The following COL4A1 variants were observed in gnomAD, a reference collection of about 807,000 sequenced individuals.
The protein encoded by COL4A1 is collagen type IV alpha 1 chain.
A neutral mutation model predicts 216.6 loss-of-function variants in COL4A1; 40 were observed. The observed-to-expected ratio is 0.18, with a 90% CI of 0.14 to 0.24. The LOEUF (loss-of-function observed/expected upper bound fraction) is 0.24. COL4A1 is among the 10% of genes least tolerant of loss of function. COL4A1 has a pLI of 1.00. For missense variants in COL4A1, 1,628 were observed against 2,196.8 expected (o/e 0.74, Z 5.18); for synonymous variants, 839 against 810.7 (o/e 1.03, Z -0.59).
chr13:110,247,759 T>A (rs1301311477), intron 1 of COL4A1, among the ~76,000 whole-genome samples: 1 of 142,910 alleles, frequency 7.0e-6, no homozygotes, highest in African/African-American at 2.6e-5. Flanking sequence ...CCTTTTTAAC[T>A]GAACCGAAGA....
intron 18 of COL4A1, among the ~76,000 whole-genome samples, chr13:110,202,916 T>TA (rs1302456539): frequency 1.3e-5 from 2 of 152,176 alleles, no homozygotes; most frequent in African/African-American, 4.8e-5. Flanking sequence ...CACGTTTTTT[T>TA]AAAAAAGGTG....
intron 3 of COL4A1, 27 bp from the exon 4 acceptor site, chr13:110,213,853 C>T (rs774468079): frequency 1.2e-6 from 2 of 1,613,986 alleles, no homozygotes; most frequent in Non-Finnish European, 1.7e-6. Flanking sequence ...ATGCCATTGT[C>T]ATTGATCACC....
intron 1 of COL4A1, among the ~76,000 whole-genome samples, chr13:110,253,870 G>GTA (rs1037097541): frequency 2.0e-5 from 3 of 149,946 alleles, no homozygotes; most frequent in Non-Finnish European, 3.0e-5. Context: ...ATGTGTGTGT[G>GTA]TATATATATA....
chr13:110,172,436 A>AT (rs1877689311), intron 41 of COL4A1, among the ~76,000 whole-genome samples: 1 of 152,380 alleles, frequency 6.6e-6, no homozygotes, highest in South Asian at 2.1e-4. Flanking sequence ...CCTTCTAGGC[A>AT]TAAAAATGAC....
chr13:110,191,626 T>C, intron 24 of COL4A1: 1 of 689,464 alleles, frequency 1.5e-6, no homozygotes. Flanking sequence ...TCCGGATATT[T>C]CATTTATGGA....
chr13:110,273,939 C>A (rs1247155276), intron 1 of COL4A1, among the ~76,000 whole-genome samples: 5 of 152,194 alleles, frequency 3.3e-5, no homozygotes, highest in African/African-American at 1.2e-4. Flanking sequence ...TCCTTTCTCA[C>A]TACATTTCAA....
intron 38 of COL4A1, 30 bp from the exon 39 acceptor site, chr13:110,174,556 C>A: frequency 6.2e-7 from 1 of 1,614,176 alleles, no homozygotes; most frequent in South Asian, 1.1e-5. Context: ...ACCAGAACAT[C>A]CATAAGTTTG....
chr13:110,256,104 C>T (rs919318787), intron 1 of COL4A1, among the ~76,000 whole-genome samples: 20 of 138,474 alleles, frequency 1.4e-4, no homozygotes, highest in African/African-American at 5.0e-4. Context: ...TAAATCATAC[C>T]TAACTGTTTT....
intron 2 of COL4A1, among the ~76,000 whole-genome samples, chr13:110,220,094 T>C (rs1483937877): frequency 6.6e-6 from 1 of 151,568 alleles, no homozygotes; most frequent in Non-Finnish European, 1.5e-5. Context: ...TGTGCCACCA[T>C]GCGCCGCTAA....
chr13:110,234,989 A>G lies in COL4A1; in HGVS notation c.144+7686T>C, dbSNP rs958991182. Reference sequence around the variant, plus strand: ...TATTTATTTTTTAAATCCCCCTAGTATTGTACACTAAGGAACACTTTTTAA... The same window carrying G: ...TATTTATTTTTTAAATCCCCCTAGTGTTGTACACTAAGGAACACTTTTTAA... On this transcript the variant is annotated intron_variant, in intron 2 of 51. Coordinates refer to ENST00000375820, the MANE Select transcript of COL4A1 (RefSeq NM_001845.6). 2.6e-5 allele frequency among the ~76,000 whole-genome samples: 4 copies of G among 152,206 alleles called. No homozygotes were observed. The South Asian group carries it at 8.3e-4, about 31-fold the overall frequency.
rs1879794131 is a variant in COL4A1 at position 110,211,524 on chromosome 13, G to A, written c.468+123C>T. 2.3e-6 allele frequency: 2 copies of A among 875,064 alleles called. No homozygotes were observed. Among genetic ancestry groups the A allele is most frequent in the Admixed American group, 2.3e-5 (1 of 42,834 alleles). 54.2% of individuals were successfully genotyped at this position (875,064 alleles called of 1,614,324 possible). A position where few individuals can be genotyped will look rare whatever the true frequency, so the allele number is the denominator to read the frequency against. On this transcript the variant is annotated intron_variant, in intron 8 of 51. Coordinates refer to ENST00000375820, the MANE Select transcript of COL4A1 (RefSeq NM_001845.6). The surrounding 1 kb of genome is among the most constrained non-coding windows in gnomAD (Gnocchi z 4.3). ...CAGTCTTTTCATGTAACAGAGTTTA[G>A]GGAAGTGTGTTCAGAAACAATCGAT...
At chr13:110,285,427 G>A (rs986521688) in intron 1 of COL4A1, among the ~76,000 whole-genome samples, 7 of 152,152 alleles carry the variant, frequency 4.6e-5, no homozygotes, top group Admixed American at 6.5e-5. Context: ...CTTAGTAAGC[G>A]TCTGTCTTCT....
intron 2 of COL4A1, among the ~76,000 whole-genome samples, chr13:110,230,700 G>A (rs1014622492): frequency 3.9e-5 from 6 of 152,212 alleles, no homozygotes; most frequent in Non-Finnish European, 5.9e-5. Context: ...CCCCAGTCAC[G>A]CCAGCGTGCT....
At chr13:110,175,909 C>G (rs1877861843) in intron 36 of COL4A1, among the ~76,000 whole-genome samples, 1 of 152,244 alleles carries the variant, frequency 6.6e-6, no homozygotes, top group Non-Finnish European at 1.5e-5. Flanking sequence ...GAACTCTCCC[C>G]CTTTCTGAGT....
chr13:110,157,012 C>T (rs1876817548), intron 49 of COL4A1, among the ~76,000 whole-genome samples: 1 of 152,174 alleles, frequency 6.6e-6, no homozygotes, highest in African/African-American at 2.4e-5. Flanking sequence ...TTGCTAGACA[C>T]GAGACCTAGA....
chr13:110,192,203 G>A lies in COL4A1; in HGVS notation c.1536+11C>T. 6.2e-7 allele frequency: 1 copy of A among 1,614,002 alleles called. No individual in the cohort carries two copies. Among genetic ancestry groups the A allele is most frequent in the Non-Finnish European group, 8.5e-7 (1 of 1,179,874 alleles). ...TCTGATATGTACATGAACTCAGACA[G>A]GTTTACTTACTGGCACTCCTGCAAC... is the stretch of plus-strand genomic sequence containing the variant. On this transcript the variant is annotated intron_variant, in intron 24 of 51. Coordinates refer to ENST00000375820, the MANE Select transcript of COL4A1 (RefSeq NM_001845.6).
intron 46 of COL4A1, among the ~76,000 whole-genome samples, chr13:110,164,256 A>G (rs1877230749): frequency 6.6e-6 from 1 of 151,966 alleles, no homozygotes; most frequent in African/African-American, 2.4e-5. Flanking sequence ...GCCTCCCAAA[A>G]AGCCGGCATT....
chr13:110,243,925 C>T (rs762101824), intron 1 of COL4A1, among the ~76,000 whole-genome samples: 4 of 152,164 alleles, frequency 2.6e-5, no homozygotes, highest in Non-Finnish European at 4.4e-5. Flanking sequence ...GATAGAAATA[C>T]GTCGGTACAT....
chr13:110,287,032 T>C (rs1340626155), intron 1 of COL4A1, among the ~76,000 whole-genome samples: 3 of 152,114 alleles, frequency 2.0e-5, no homozygotes, highest in African/African-American at 4.8e-5. Flanking sequence ...GGGTGGAGAA[T>C]GGCCCACAGA....
Sources: gnomAD v4.1 joint callset for allele counts (sites outside exome capture counted in the v4.1 genomes callset) on GRCh38, gnomAD v4.1.1 for gene constraint, Gnocchi (gnomAD v3.1) non-coding constraint, MANE v1.5 for transcripts, NCBI Gene and HGNC (gene_info 2026-07-23, HGNC 2026-07-21) for gene names.